The following RNF13 variants were observed in gnomAD, a reference collection of about 807,000 sequenced individuals.
RNF13 encodes the protein ring finger protein 13.
Under a neutral mutation model 37.7 loss-of-function variants are expected in RNF13, and 19 were observed. The ratio of observed to expected loss-of-function variants is 0.50; its 90% CI spans 0.35 to 0.74. The LOEUF (loss-of-function observed/expected upper bound fraction) is 0.74, where lower values mean the gene tolerates loss of function less well. Among genes scored for constraint, RNF13 ranks in the 30% least tolerant of loss-of-function variants. The pLI is 0.01. For synonymous variants in RNF13, 144 were observed against 157.8 expected (o/e 0.91, Z 0.65); for missense variants, 375 against 453.0 (o/e 0.83, Z 1.56).
At chr3:149,959,565 G>A (rs1386200782) in intron 8 of RNF13, among the ~76,000 whole-genome samples, 2 of 152,164 alleles carry the variant, frequency 1.3e-5, no homozygotes, top group Admixed American at 1.3e-4. Context: ...GAACTGGATG[G>A]CAAAGGCTAA....
intron 6 of RNF13, among the ~76,000 whole-genome samples, chr3:149,906,409 C>T (rs1431109044): frequency 6.6e-6 from 1 of 152,054 alleles, no homozygotes; most frequent in Non-Finnish European, 1.5e-5. Context: ...TGAGGAACTG[C>T]CAGACTTTTT....
At chr3:149,867,697 T>C (rs1711522623) in intron 3 of RNF13, among the ~76,000 whole-genome samples, 1 of 151,946 alleles carries the variant, frequency 6.6e-6, no homozygotes, top group Non-Finnish European at 1.5e-5. Context: ...GTGGTTTTTT[T>C]GTAAGCAGCA....
chr3:149,834,249 G>T (rs1305263638), intron 1 of RNF13, among the ~76,000 whole-genome samples: 1 of 152,102 alleles, frequency 6.6e-6, no homozygotes, highest in African/African-American at 2.4e-5. Context: ...GCAGAAATAG[G>T]AAAATCTATC....
At chr3:149,951,916 A>T (rs1576595135) in intron 8 of RNF13, among the ~76,000 whole-genome samples, 1 of 152,044 alleles carries the variant, frequency 6.6e-6, no homozygotes, top group African/African-American at 2.4e-5. Context: ...CAACCTCCTG[A>T]CTCCAAACAC....
intron 8 of RNF13, among the ~76,000 whole-genome samples, chr3:149,936,956 G>A (rs866650764): frequency 1.1e-4 from 16 of 152,106 alleles, no homozygotes; most frequent in Non-Finnish European, 2.1e-4. Context: ...ACAAACGTTC[G>A]GCGCACTGAC....
intron 8 of RNF13, among the ~76,000 whole-genome samples, chr3:149,927,575 C>T (rs910852141): frequency 6.6e-6 from 1 of 152,196 alleles, no homozygotes; most frequent in Non-Finnish European, 1.5e-5. Flanking sequence ...TTTACATTCC[C>T]AGCAGCAATG....
intron 8 of RNF13, among the ~76,000 whole-genome samples, chr3:149,953,208 A>G (rs966462321): frequency 2.6e-5 from 4 of 152,116 alleles, no homozygotes; most frequent in African/African-American, 9.7e-5. Context: ...GGATTTATTT[A>G]TGGCCTCTAA....
At chr3:149,845,219 GT>G (rs1307524825) in intron 1 of RNF13, among the ~76,000 whole-genome samples, 3 of 152,268 alleles carry the variant, frequency 2.0e-5, no homozygotes, top group Admixed American at 2.0e-4. Flanking sequence ...TATTACATGA[GT>G]TTGGGATATT....
intron 8 of RNF13, among the ~76,000 whole-genome samples, chr3:149,945,518 A>G (rs1182520890): frequency 2.0e-5 from 3 of 152,244 alleles, no homozygotes; most frequent in Non-Finnish European, 2.9e-5. Flanking sequence ...AAAAGGCAGC[A>G]GAAATCTCTG....
chr3:149,850,229 C>T (rs921050460), intron 2 of RNF13, among the ~76,000 whole-genome samples: 3 of 152,168 alleles, frequency 2.0e-5, no homozygotes, highest in Non-Finnish European at 4.4e-5. Context: ...ATCTGCCCAC[C>T]TCGGCCTCCC....
intron 5 of RNF13, among the ~76,000 whole-genome samples, chr3:149,901,594 C>CA (rs1294654582): frequency 7.9e-5 from 12 of 152,224 alleles, no homozygotes; most frequent in African/African-American, 2.9e-4. Flanking sequence ...TCTGGAAAGC[C>CA]AGAGATGTGT....
intron 3 of RNF13, among the ~76,000 whole-genome samples, chr3:149,870,421 G>A (rs73155089): frequency 0.079 from 11,904 of 151,630 alleles, 670 homozygotes; most frequent in Middle Eastern, 0.099. Context: ...ATTTCTGGCC[G>A]TAATCTCATT....
intron 4 of RNF13, among the ~76,000 whole-genome samples, chr3:149,877,780 T>G (rs922966731): frequency 2.6e-5 from 4 of 152,132 alleles, no homozygotes; most frequent in Non-Finnish European, 1.5e-5. Flanking sequence ...GAATCATGTT[T>G]AAAAGATTCC....
intron 8 of RNF13, among the ~76,000 whole-genome samples, chr3:149,934,726 G>C (rs1031706393): frequency 6.6e-6 from 1 of 151,364 alleles, no homozygotes; most frequent in African/African-American, 2.4e-5. Context: ...CACAATCTCA[G>C]CTCAGTGCAG....
chr3:149,948,969 C>T lies in RNF13; in HGVS notation c.701-11087C>T, dbSNP rs1376485771. 4.6e-5 allele frequency among the ~76,000 whole-genome samples: 7 copies of T among 151,650 alleles called. No homozygotes were observed. The South Asian group carries it at 1.0e-3, about 23-fold the overall frequency. ...CTTGAGCCTGGGAGGCGAAGGTTGC[C>T]GAGAGTCGAGATCATGCCACTGCAC... On this transcript the variant is annotated intron_variant, in intron 8 of 9. Transcript: ENST00000392894.
At chr3:149,830,864 G>A (rs1576726065) in intron 1 of RNF13, among the ~76,000 whole-genome samples, 1 of 152,342 alleles carries the variant, frequency 6.6e-6, no homozygotes, top group East Asian at 1.9e-4. Flanking sequence ...TGGGCCCAGG[G>A]CCTTGCTGCT....
At chr3:149,939,573 T>C in intron 8 of RNF13, 1 of 599,062 alleles carries the variant, frequency 1.7e-6, no homozygotes, top group South Asian at 1.4e-5. Context: ...AAGTTGCCAG[T>C]GTTACTTTAA....
intron 7 of RNF13, 110 bp from the exon 8 acceptor site, chr3:149,921,024 A>G (rs554505064): frequency 2.7e-6 from 1 of 373,722 alleles, no homozygotes; most frequent in South Asian, 1.1e-4. Flanking sequence ...AATGAATTGA[A>G]TTGATTTGCA....
At chr3:149,960,621 A>G (rs1478867354) in intron 9 of RNF13, 119 bp from the exon 10 acceptor site, 1 of 964,314 alleles carries the variant, frequency 1.0e-6, no homozygotes, top group Admixed American at 3.1e-5. Flanking sequence ...AATAAAAAAT[A>G]AACTTTCTTC....
Sources: allele counts gnomAD v4.1 joint callset (sites outside exome capture counted in the v4.1 genomes callset), GRCh38; gene constraint gnomAD v4.1.1; transcripts MANE v1.5; gene names NCBI Gene and HGNC (gene_info 2026-07-23, HGNC 2026-07-21).